Variants in DHRS12 observed in about 807,000 individuals in gnomAD.
DHRS12 encodes the protein dehydrogenase/reductase SDR family member 12.
DHRS12 carries 29 observed loss-of-function variants against 32.1 expected under a neutral mutation model. That is an observed-to-expected ratio of 0.90 (90% CI 0.67 to 1.23). The LOEUF is 1.23. Among genes scored for constraint, DHRS12 ranks in the 50% most tolerant of loss-of-function variants. The probability of loss-of-function intolerance (pLI) is 0.00; values close to 1 mark genes in which losing one functional copy is unlikely to be tolerated. For missense variants in DHRS12, 330 were observed against 337.2 expected (o/e 0.98, Z 0.17); for synonymous variants, 150 against 135.9 (o/e 1.10, Z -0.72).
intron 7 of DHRS12, chr13:51,771,380 G>A (rs370679809): frequency 7.4e-6 from 12 of 1,613,908 alleles, no homozygotes; most frequent in African/African-American, 2.7e-5. Context: ...GATCATTCGA[G>A]CTGTGTCCTT....
chr13:51,756,690 A>G, the DHRS12 span: 1 of 974,080 alleles, frequency 1.0e-6, no homozygotes, highest in Non-Finnish European at 1.2e-6. Context: ...GTTCTTTCTA[A>G]TTTCTAGGTT....
the DHRS12 span, chr13:51,755,276 T>C: frequency 2.4e-6 from 3 of 1,270,978 alleles, no homozygotes; most frequent in Admixed American, 5.3e-5. Context: ...TCCTGATAGC[T>C]CCATAAGTTT....
intron 8 of DHRS12, 53 bp from the exon 9 acceptor site, chr13:51,768,349 G>A (rs1407685487): frequency 2.0e-6 from 3 of 1,533,718 alleles, no homozygotes; most frequent in Admixed American, 3.9e-5. Flanking sequence ...GCGTGGCTGG[G>A]TCCATGTCCC....
At chr13:51,758,762 T>TA in the DHRS12 span, among the ~76,000 whole-genome samples, 11 of 152,060 alleles carry the variant, frequency 7.2e-5, no homozygotes, top group African/African-American at 2.2e-4. Flanking sequence ...CGGTAATACA[T>TA]ATGAGAATTT....
At chr13:51,792,507 C>T (rs989674538) in intron 2 of DHRS12, among the ~76,000 whole-genome samples, 22 of 152,172 alleles carry the variant, frequency 1.4e-4, no homozygotes, top group African/African-American at 4.8e-4. Flanking sequence ...TCAAGTGATT[C>T]TCCTGCCTCA....
At chr13:51,800,097 T>A (rs758602305) in intron 1 of DHRS12, among the ~76,000 whole-genome samples, 4 of 152,036 alleles carry the variant, frequency 2.6e-5, no homozygotes, top group South Asian at 2.1e-4. Context: ...CGGGGGAGAT[T>A]TGCAAGTAGG....
intron 8 of DHRS12, chr13:51,768,690 G>A: frequency 4.4e-6 from 5 of 1,127,000 alleles, no homozygotes; most frequent in East Asian, 6.1e-5. Flanking sequence ...TGCTGTCTTC[G>A]GATGGCGTCC....
chr13:51,795,895 G>C (rs1955495967), intron 2 of DHRS12, among the ~76,000 whole-genome samples: 1 of 152,052 alleles, frequency 6.6e-6, no homozygotes, highest in South Asian at 2.1e-4. Flanking sequence ...CCCCCACTAT[G>C]ATACAGAGCA....
intron 7 of DHRS12, among the ~76,000 whole-genome samples, chr13:51,769,641 G>A (rs182425667): frequency 6.6e-6 from 1 of 152,260 alleles, no homozygotes; most frequent in Non-Finnish European, 1.5e-5. Context: ...TCACAGTGAG[G>A]CTGGGCCCAG....
At chr13:51,787,990 G>A (rs1179543910) in intron 4 of DHRS12, among the ~76,000 whole-genome samples, 1 of 146,076 alleles carries the variant, frequency 6.8e-6, no homozygotes, top group Non-Finnish European at 1.5e-5. Flanking sequence ...TGGCCCGGCC[G>A]CAGCGAACAC....
chr13:51,795,554 G>A (rs1165863605), intron 2 of DHRS12, among the ~76,000 whole-genome samples: 2 of 152,036 alleles, frequency 1.3e-5, no homozygotes. Context: ...CTGAACGCAG[G>A]GATTGATTTC....
intron 4 of DHRS12, among the ~76,000 whole-genome samples, chr13:51,780,119 A>G (rs982860382): frequency 6.6e-6 from 1 of 152,098 alleles, no homozygotes; most frequent in South Asian, 2.1e-4. Context: ...GGAGGTTGCA[A>G]TGAGCTGAGA....
chr13:51,784,545 A>T (rs1402501212), intron 4 of DHRS12, among the ~76,000 whole-genome samples: 1 of 152,222 alleles, frequency 6.6e-6, no homozygotes, highest in Non-Finnish European at 1.5e-5. Context: ...AGGAATCTGG[A>T]TGTTAAAACA....
chr13:51,761,905 G>A, the DHRS12 span: 5 of 152,260 alleles, frequency 3.3e-5, no homozygotes, highest in African/African-American at 4.8e-5. Flanking sequence ...AGCACTTGTC[G>A]CCTCGCTGCC....
At chr13:51,768,868 A>G (rs41292776) in intron 8 of DHRS12, 224,357 of 1,360,448 alleles carry the variant, frequency 0.16, 19,648 homozygotes, top group South Asian at 0.2. Flanking sequence ...GGGCCTCAGC[A>G]AACTGCAGAG....
At chr13:51,801,424 G>T (rs1211252628) in intron 1 of DHRS12, among the ~76,000 whole-genome samples, 1 of 152,132 alleles carries the variant, frequency 6.6e-6, no homozygotes, top group African/African-American at 2.4e-5. Flanking sequence ...CTGACCTCAG[G>T]TGATCCACCC....
In DHRS12 at chr13:51,772,227, G is replaced by A. The variant is rs373299065; in HGVS notation, c.469-316C>T. Among the ~76,000 whole-genome samples the A allele has an allele frequency of 2.0e-3, 305 of 152,206 alleles. 3 individuals carry two copies. Among genetic ancestry groups the A allele is most frequent in the African/African-American group, 7.0e-3 (289 of 41,500 alleles). ...CCCAGGTGTTCCTCGTCCACAAGTC[G>A]CCTGGGTGACTCTATTCTTTGCTGC... On this transcript the variant is annotated intron_variant, in intron 6 of 8. Coordinates refer to ENST00000444610, the MANE Select transcript of DHRS12 (RefSeq NM_001377533.1).
At chr13:51,774,181 TCTC>T in intron 5 of DHRS12, 147 bp from the exon 6 acceptor site, 1 of 639,916 alleles carries the variant, frequency 1.6e-6, no homozygotes, top group Non-Finnish European at 2.8e-6. Context: ...CCTACAGTAT[TCTC>T]CTACAGTACA....
intron 2 of DHRS12, among the ~76,000 whole-genome samples, chr13:51,794,874 C>A (rs1955442739): frequency 6.6e-6 from 1 of 151,676 alleles, no homozygotes; most frequent in Non-Finnish European, 1.5e-5. Context: ...GGCTGAACTG[C>A]AACCAGAAGC....
Sources: allele counts gnomAD v4.1 joint callset (sites outside exome capture counted in the v4.1 genomes callset), GRCh38; gene constraint gnomAD v4.1.1; transcripts MANE v1.5; gene names NCBI Gene and HGNC (gene_info 2026-07-23, HGNC 2026-07-21).